Variants in LPAR1 observed in about 807,000 individuals in gnomAD.
LPAR1 encodes LPA receptor 1.
Under a neutral mutation model 23.8 loss-of-function variants are expected in LPAR1, and 5 were observed. The ratio of observed to expected loss-of-function variants is 0.21; its 90% CI spans 0.11 to 0.44. LPAR1 has a LOEUF of 0.44. LPAR1 is among the 20% of genes least tolerant of loss of function. LPAR1 has a pLI of 0.99. For synonymous variants in LPAR1, 160 were observed against 164.7 expected (o/e 0.97, Z 0.22); for missense variants, 311 against 482.8 (o/e 0.64, Z 3.33).
chr9:110,925,712 G>T (rs535814555), intron 5 of LPAR1, among the ~76,000 whole-genome samples: 1 of 152,338 alleles, frequency 6.6e-6, no homozygotes, highest in East Asian at 1.9e-4. Flanking sequence ...TTTCATGTAT[G>T]TGAGCCACAG....
intron 5 of LPAR1, chr9:110,934,530 G>C (rs928940358): frequency 2.0e-5 from 3 of 152,154 alleles, no homozygotes; most frequent in African/African-American, 7.2e-5. Context: ...AAGGTGGAAT[G>C]CACCGTTCAT....
At chr9:110,981,752 A>T (rs1395572092) in intron 2 of LPAR1, among the ~76,000 whole-genome samples, 1 of 152,060 alleles carries the variant, frequency 6.6e-6, no homozygotes, top group Non-Finnish European at 1.5e-5. Context: ...TTATGGACAT[A>T]CAGAATCTAC....
rs2095084093 is a variant in LPAR1 at position 110,941,295 on chromosome 9, C to T, written c.793+126G>A. On this transcript the variant is annotated intron_variant, in intron 5 of 5. Transcript: ENST00000683809. The surrounding 1 kb of genome is among the most constrained non-coding windows in gnomAD (Gnocchi z 6.1). ...CATTTAATATAAAGGTGCCTCATCCCCTTGTAATTCCTGGTGAATTACCTG... is the reference window on the plus strand; with the variant it reads ...CATTTAATATAAAGGTGCCTCATCCTCTTGTAATTCCTGGTGAATTACCTG... The T allele has an allele frequency of 1.2e-6, 1 of 849,380 alleles. No individual in the cohort carries two copies. The highest frequency in any genetic ancestry group is 1.7e-5 in the African/African-American group (1 of 59,334). 52.6% of individuals were successfully genotyped at this position (849,380 alleles called of 1,614,324 possible).
chr9:110,911,583 C>T (rs1046153894), intron 5 of LPAR1, among the ~76,000 whole-genome samples: 4 of 151,870 alleles, frequency 2.6e-5, no homozygotes, highest in African/African-American at 9.7e-5. Flanking sequence ...AAGAAGCAGA[C>T]TTAAGATACT....
chr9:111,038,415 G>T lies in LPAR1; in HGVS notation c.-510C>A, dbSNP rs1464467406. 3.5e-6 allele frequency: 1 copy of T among 286,418 alleles called. No homozygotes were observed. Among genetic ancestry groups the T allele is most frequent in the African/African-American group, 2.4e-5 (1 of 42,188 alleles). The allele number at this position is 286,418 out of a possible 1,614,324, so 17.7% of individuals were successfully genotyped here. A position where few individuals can be genotyped will look rare whatever the true frequency, so the allele number is the denominator to read the frequency against. ...CCAGATCCGGCCCGCGCTCCGCAGC[G>T]GGGCTGGAGACGGAGTCGCCACTCA... On this transcript the variant is annotated 5_prime_UTR_variant, in exon 1 of 6. Coordinates refer to ENST00000683809, the MANE Select transcript of LPAR1 (RefSeq NM_001351411.2). This position sits in a 1 kb window ranked among gnomAD's most constrained non-coding sequence, Gnocchi z 4.4.
At chr9:110,933,261 C>A (rs4538964) in intron 5 of LPAR1, among the ~76,000 whole-genome samples, 96,347 of 151,974 alleles carry the variant, frequency 0.63, 31,964 homozygotes, top group East Asian at 0.97. Context: ...CACCATCTCG[C>A]ACATCAAATT....
chr9:111,027,377 C>T (rs1215235466), intron 2 of LPAR1, among the ~76,000 whole-genome samples: 1 of 152,000 alleles, frequency 6.6e-6, no homozygotes, highest in East Asian at 1.9e-4. Context: ...GGCATGTGCT[C>T]ACAGTCCCAG....
chr9:111,006,358 A>G (rs1166766202), intron 2 of LPAR1, among the ~76,000 whole-genome samples: 1 of 152,218 alleles, frequency 6.6e-6, no homozygotes, highest in African/African-American at 2.4e-5. Flanking sequence ...AAGAAAAAGA[A>G]ACATACAAAA....
intron 5 of LPAR1, among the ~76,000 whole-genome samples, chr9:110,896,035 G>T (rs1179603131): frequency 6.6e-6 from 1 of 152,188 alleles, no homozygotes; most frequent in Non-Finnish European, 1.5e-5. Context: ...GAAGATGTAA[G>T]CTGGGTCAAT....
chr9:110,961,756 G>A (rs1289857831), intron 4 of LPAR1, among the ~76,000 whole-genome samples: 2 of 152,054 alleles, frequency 1.3e-5, no homozygotes, highest in Non-Finnish European at 2.9e-5. Context: ...CCGCAGGCAA[G>A]AGAGTGTGTA....
chr9:111,030,045 CAAAAAA>C (rs56962960), intron 2 of LPAR1, among the ~76,000 whole-genome samples: 5 of 75,224 alleles, frequency 6.6e-5, no homozygotes, highest in African/African-American at 2.1e-4. Flanking sequence ...GGCTCTGCCT[CAAAAAA>C]AAAAAAAAAA....
chr9:110,958,100 C>A (rs1410472434), intron 4 of LPAR1, among the ~76,000 whole-genome samples: 2 of 152,250 alleles, frequency 1.3e-5, no homozygotes, highest in East Asian at 3.9e-4. Context: ...AATGGAAAGA[C>A]ATCCTATGCT....
intron 5 of LPAR1, among the ~76,000 whole-genome samples, chr9:110,915,817 G>T (rs1319417836): frequency 6.6e-6 from 1 of 152,046 alleles, no homozygotes; most frequent in Non-Finnish European, 1.5e-5. Context: ...CATCAAAAAC[G>T]AAACACTGAC....
chr9:110,923,302 T>G (rs1324426005), intron 5 of LPAR1, among the ~76,000 whole-genome samples: 2 of 152,206 alleles, frequency 1.3e-5, no homozygotes, highest in Admixed American at 6.5e-5. Context: ...GGTCCCTGAC[T>G]TACAATGGTT....
At chr9:110,918,522 C>A (rs1198689883) in intron 5 of LPAR1, among the ~76,000 whole-genome samples, 1 of 152,086 alleles carries the variant, frequency 6.6e-6, no homozygotes. Flanking sequence ...TGTTTCCATG[C>A]CACTGTGTTC....
chr9:110,874,043 CCA>C lies in LPAR1; in HGVS notation c.*1376_*1377del. On this transcript the variant is annotated 3_prime_UTR_variant, in exon 6 of 6. Coordinates refer to ENST00000683809, the MANE Select transcript of LPAR1 (RefSeq NM_001351411.2). ...ACTGGCTTTTCCTCACAACTGCCAC[CCA>C]TGCAGTACAAAAGCAGGAAATCCCT... The C allele has an allele frequency of 6.6e-6, 1 of 152,546 alleles. No homozygotes were observed. The highest frequency in any genetic ancestry group is 6.6e-5 in the Admixed American group (1 of 15,252). 9.4% of individuals were successfully genotyped at this position (152,546 alleles called of 1,614,324 possible). A position where few individuals can be genotyped will look rare whatever the true frequency, so the allele number is the denominator to read the frequency against.
chr9:110,939,836 CA>C (rs2094968617), intron 5 of LPAR1, among the ~76,000 whole-genome samples: 1 of 152,094 alleles, frequency 6.6e-6, no homozygotes, highest in South Asian at 2.1e-4. Context: ...AAAGTTCATG[CA>C]TATAAAAAAT....
At position 110,966,238 on chromosome 9, in the gene LPAR1, T is replaced by C. The variant is rs140457152; in HGVS notation, c.45+5835A>G. Reference sequence around the variant, plus strand: ...GCTCACACCTGTAATCTCAGCACTTTGGCAGGCCAAGGTGGGCGGATCACT... The same window carrying C: ...GCTCACACCTGTAATCTCAGCACTTCGGCAGGCCAAGGTGGGCGGATCACT... On this transcript the variant is annotated intron_variant, in intron 4 of 5. Transcript: ENST00000683809. Among the ~76,000 whole-genome samples, 1,437 of 152,218 alleles carry C rather than the reference T, an allele frequency of 9.4e-3. 23 individuals carry two copies. The highest frequency in any genetic ancestry group is 0.032 in the African/African-American group (1,344 of 41,550).
intron 5 of LPAR1, among the ~76,000 whole-genome samples, chr9:110,888,845 G>A (rs1266814210): frequency 6.6e-6 from 1 of 152,140 alleles, no homozygotes; most frequent in African/African-American, 2.4e-5. Flanking sequence ...TGGAGAGAAT[G>A]AGAAAAGTAA....
Sources: gnomAD v4.1 joint callset for allele counts (sites outside exome capture counted in the v4.1 genomes callset) on GRCh38, gnomAD v4.1.1 for gene constraint, Gnocchi (gnomAD v3.1) non-coding constraint, MANE v1.5 for transcripts, NCBI Gene and HGNC (gene_info 2026-07-23, HGNC 2026-07-21) for gene names.